TRPV2: variants seen among roughly 807,000 people sequenced by gnomAD.
TRPV2 encodes the protein transient receptor potential cation channel subfamily V member 2.
Under a neutral mutation model 91.0 loss-of-function variants are expected in TRPV2, and 58 were observed. The observed-to-expected ratio is 0.64, with a 90% CI of 0.52 to 0.79. The LOEUF (loss-of-function observed/expected upper bound fraction) is 0.79, where lower values mean the gene tolerates loss of function less well. Among genes scored for constraint, TRPV2 ranks in the 30% least tolerant of loss-of-function variants. The pLI is 0.00. For synonymous variants in TRPV2, 417 were observed against 414.8 expected (o/e 1.01, Z -0.06); for missense variants, 807 against 969.6 (o/e 0.83, Z 2.23).
chr17:16,428,541 C>T (rs761878342), intron 9 of TRPV2, 154 bp downstream of exon 9: 91 of 882,504 alleles, frequency 1.0e-4, no homozygotes, highest in African/African-American at 1.7e-4. Context: ...TCTGGGCTGC[C>T]GTCCAGCCTG....
At chr17:16,421,809 C>T (rs1029395908) in intron 3 of TRPV2, among the ~76,000 whole-genome samples, 2 of 151,158 alleles carry the variant, frequency 1.3e-5, no homozygotes, top group Admixed American at 6.6e-5. Context: ...TGAGCCACTG[C>T]GCCTGGCCTT....
chr17:16,432,439 CTTTTT>C, intron 12 of TRPV2, 139 bp downstream of exon 12: 4 of 534,710 alleles, frequency 7.5e-6, no homozygotes, highest in East Asian at 3.2e-5. Context: ...CTTCCTCTTC[CTTTTT>C]TTTTTTTTTT....
At chr17:16,430,542 G>T (rs1251445779) in intron 10 of TRPV2, among the ~76,000 whole-genome samples, 1 of 148,878 alleles carries the variant, frequency 6.7e-6, no homozygotes, top group Non-Finnish European at 1.5e-5. Context: ...CTGGAGTGCA[G>T]TGATGCAATC....
intron 5 of TRPV2, among the ~76,000 whole-genome samples, chr17:16,425,311 G>A (rs8074111): frequency 0.61 from 92,457 of 151,980 alleles, 28,710 homozygotes; most frequent in Non-Finnish European, 0.67. Flanking sequence ...GGCATGAGCC[G>A]AAACGCCCAG....
intron 10 of TRPV2, among the ~76,000 whole-genome samples, chr17:16,431,279 ATATATATACATATTTTTTTTTT>A (rs1264192900): frequency 1.3e-5 from 1 of 74,990 alleles, no homozygotes; most frequent in Non-Finnish European, 2.5e-5. Flanking sequence ...ATATATATAT[ATATATATACATATTTTTTTTTT>A]TTTTTTTTTT....
rs115212977 is a variant in TRPV2, at chr17:16,433,463, G to A, written c.1990-111G>A. On this transcript the variant is annotated intron_variant, in intron 12 of 14. Coordinates refer to ENST00000338560, the MANE Select transcript of TRPV2 (RefSeq NM_016113.5). Reference sequence around the variant, plus strand: ...CGAATCCGCGTGTTTAGTTGACTTCGCGTTATACTGTGAAGTGCTGCGCGG... The same window carrying A: ...CGAATCCGCGTGTTTAGTTGACTTCACGTTATACTGTGAAGTGCTGCGCGG... 1,077 of 1,464,160 alleles carry A rather than the reference G, an allele frequency of 7.4e-4. 8 individuals are homozygous for A. In the African/African-American group the frequency reaches 0.013, roughly 18 times the overall value. 90.7% of individuals were successfully genotyped at this position (1,464,160 alleles called of 1,614,324 possible).
rs541793822 is a variant in TRPV2 at position 16,433,568 on chromosome 17, C to T, written c.1990-6C>T. 2 of 1,613,638 alleles carry T rather than the reference C, an allele frequency of 1.2e-6. No individual in the cohort carries two copies. The highest frequency in any genetic ancestry group is 1.7e-6 in the Non-Finnish European group (2 of 1,179,820). ...ACGTTCTGTCTGATGCATCCTTTGT[C>T]CCCAGAAAGCCATCTCTGTCCTGGA... On this transcript the variant is annotated splice_region_variant and splice_polypyrimidine_tract_variant and intron_variant, in intron 12 of 14. Transcript: ENST00000338560.
Position 16,435,118 on chromosome 17 carries a change from G to C in TRPV2, c.2194+149G>C. 1 of 573,978 alleles carries C rather than the reference G, an allele frequency of 1.7e-6. No individual in the cohort carries two copies. Among genetic ancestry groups the C allele is most frequent in the South Asian group, 3.1e-5 (1 of 32,606 alleles). The allele number at this position is 573,978 out of a possible 1,614,324, so 35.6% of individuals were successfully genotyped here. The stretch of plus-strand genomic sequence containing the variant: ...CATGCCAGCTCCTCTTAGAGGGATT[G>C]CCTCCTTAAAACAGTGGTTCCCTCC... On this transcript the variant is annotated intron_variant, in intron 14 of 14. Coordinates refer to ENST00000338560, the MANE Select transcript of TRPV2 (RefSeq NM_016113.5). The surrounding 1 kb of genome is among the most constrained non-coding windows in gnomAD (Gnocchi z 4.2).
At chr17:16,433,474 T>C in intron 12 of TRPV2, 100 bp from the exon 13 acceptor site, 1 of 1,502,014 alleles carries the variant, frequency 6.7e-7, no homozygotes, top group Non-Finnish European at 9.0e-7. Context: ...CGTTATACTG[T>C]GAAGTGCTGC....
At chr17:16,420,549 G>A (rs1257442302) in intron 3 of TRPV2, among the ~76,000 whole-genome samples, 1 of 152,096 alleles carries the variant, frequency 6.6e-6, no homozygotes, top group South Asian at 2.1e-4. Flanking sequence ...TTTAATAACA[G>A]TGTTGTTGAG....
Position 16,431,995 on chromosome 17 carries a change from C to T in TRPV2, c.1684C>T (p.Arg562Cys), listed in dbSNP as rs776613436. Residue 562 changes from arginine to cysteine, a missense_variant, in exon 12 of 15, where the codon CGC (arginine) becomes TGC (cysteine). Coordinates refer to ENST00000338560, the MANE Select transcript of TRPV2 (RefSeq NM_016113.5). ...GGTGAGCCTGAGCCAGGAGGCTTGGCGCCCCGAAGCTCCTACAGGCCCCAA... is the reference window on the plus strand; with the variant it reads ...GGTGAGCCTGAGCCAGGAGGCTTGGTGCCCCGAAGCTCCTACAGGCCCCAA... ...ALVSLSQEAW[R>C]PEAPTGPNAT... 1.1e-5 allele frequency: 18 copies of T among 1,604,920 alleles called. No individual in the cohort carries two copies. Among genetic ancestry groups the T allele is most frequent in the South Asian group, 4.4e-5 (4 of 90,296 alleles).
At chr17:16,429,493 T>C (rs2093400005) in intron 10 of TRPV2, among the ~76,000 whole-genome samples, 1 of 151,970 alleles carries the variant, frequency 6.6e-6, no homozygotes, top group Admixed American at 6.5e-5. Context: ...CTAAATTCTA[T>C]GAAGGAAAAA....
chr17:16,432,090 C>A lies in TRPV2; in HGVS notation c.1779C>A (p.Ile593=), dbSNP rs755478388. ...DEGNGAQYRG[I]LEASLELFKF... ...GCAACGGGGCCCAGTACAGGGGTATCCTGGAAGCCTCCTTGGAGCTCTTCA... is the reference window on the plus strand; with the variant it reads ...GCAACGGGGCCCAGTACAGGGGTATACTGGAAGCCTCCTTGGAGCTCTTCA... The change falls in exon 12 of 15, where the codon ATC becomes ATA. Residue 593 remains isoleucine, a synonymous_variant. Coordinates refer to ENST00000338560, the MANE Select transcript of TRPV2 (RefSeq NM_016113.5). 5 of 1,614,086 alleles carry A rather than the reference C, an allele frequency of 3.1e-6. No individual in the cohort carries two copies. The Admixed American group carries it at 8.3e-5, about 27-fold the overall frequency.
At position 16,428,803 on chromosome 17, in the gene TRPV2, C is replaced by T; in HGVS notation, c.1422-14C>T. On this transcript the variant is annotated splice_polypyrimidine_tract_variant and intron_variant, in intron 9 of 14. Transcript: ENST00000338560. The stretch of plus-strand genomic sequence containing the variant: ...AGTGGCCCGCAAGCCCACCTGGATT[C>T]TGCTCCCACACAGCCTGTTCCAGGC... 1 of 1,612,618 alleles carries T rather than the reference C, an allele frequency of 6.2e-7. No homozygotes were observed. Among genetic ancestry groups the T allele is most frequent in the Non-Finnish European group, 8.5e-7 (1 of 1,179,902 alleles).
At chr17:16,432,699 C>T (rs2093418920) in intron 12 of TRPV2, among the ~76,000 whole-genome samples, 1 of 152,152 alleles carries the variant, frequency 6.6e-6, no homozygotes, top group Admixed American at 6.5e-5. Flanking sequence ...GCTGAGATTA[C>T]TCCCACCTCC....
intron 14 of TRPV2, 70 bp from the exon 15 acceptor site, chr17:16,436,719 G>A (rs902660535): frequency 4.4e-5 from 51 of 1,155,858 alleles, no homozygotes; most frequent in Admixed American, 3.5e-5. Flanking sequence ...CTGTGGCCCC[G>A]TTTCCCTGGT....
At chr17:16,421,441 A>G (rs1394160620) in intron 3 of TRPV2, among the ~76,000 whole-genome samples, 1 of 150,678 alleles carries the variant, frequency 6.6e-6, no homozygotes, top group African/African-American at 2.4e-5. Flanking sequence ...GATGGTCTCA[A>G]TCTCCTGACT....
rs529475954 is a variant in TRPV2 at position 16,430,675 on chromosome 17, C to T, written c.1588-1109C>T. On this transcript the variant is annotated intron_variant, in intron 10 of 14. Coordinates refer to ENST00000338560, the MANE Select transcript of TRPV2 (RefSeq NM_016113.5). Reference sequence around the variant, plus strand: ...AAATTTTTTTTATTTTTAGTAGAGACGGAGTTTTGCCACGTTGGCCAGGAT... The same window carrying T: ...AAATTTTTTTTATTTTTAGTAGAGATGGAGTTTTGCCACGTTGGCCAGGAT... Among the ~76,000 whole-genome samples the T allele has an allele frequency of 3.9e-5, 6 of 152,094 alleles. No individual in the cohort carries two copies. In the South Asian group the frequency reaches 6.2e-4, roughly 16 times the overall value.
At chr17:16,432,330 C>T in intron 12 of TRPV2, 30 bp downstream of exon 12, 1 of 1,574,940 alleles carries the variant, frequency 6.3e-7, no homozygotes, top group South Asian at 1.2e-5. Flanking sequence ...CTGCCCCCAC[C>T]CCACCCCACA....
Sources: allele counts gnomAD v4.1 joint callset (sites outside exome capture counted in the v4.1 genomes callset), GRCh38; gene constraint gnomAD v4.1.1; non-coding constraint Gnocchi (gnomAD v3.1); transcripts MANE v1.5; gene names NCBI Gene and HGNC (gene_info 2026-07-23, HGNC 2026-07-21).